ANTXR2: variants seen among roughly 807,000 people sequenced by gnomAD.
ANTXR2 encodes anthrax toxin receptor 2.
In ANTXR2, 44 loss-of-function variants were observed where a neutral mutation model predicts 73.7. That is an observed-to-expected ratio of 0.60 (90% CI 0.47 to 0.77). ANTXR2 has a LOEUF of 0.77. Ranked by LOEUF, ANTXR2 falls within the 30% of genes least tolerant of loss-of-function variation. The pLI, the probability that ANTXR2 is intolerant of heterozygous loss-of-function variation, is 0.00. For missense variants in ANTXR2, 604 were observed against 592.5 expected, an observed-to-expected ratio of 1.02 and a Z score of -0.20; for synonymous variants, 217 against 205.9, an observed-to-expected ratio of 1.05 and a Z score of -0.46.
chr4:79,962,902 A>T (rs563421724), intron 16 of ANTXR2, among the ~76,000 whole-genome samples: 2 of 152,264 alleles, frequency 1.3e-5, no homozygotes, highest in East Asian at 3.9e-4. Context: ...GATTTTTTTT[A>T]AGAATGCAGT....
At chr4:80,042,906 T>C (rs1733339274) in intron 7 of ANTXR2, among the ~76,000 whole-genome samples, 1 of 152,068 alleles carries the variant, frequency 6.6e-6, no homozygotes, top group Admixed American at 6.6e-5. Flanking sequence ...TTTTAACCGA[T>C]GGTTGTTCTC....
chr4:80,032,730 AG>A (rs1473545754), intron 9 of ANTXR2, among the ~76,000 whole-genome samples: 2 of 151,886 alleles, frequency 1.3e-5, no homozygotes, highest in African/African-American at 4.8e-5. Flanking sequence ...ATAATTAATA[AG>A]GAAAAACATT....
At chr4:80,020,580 G>C (rs1239059309) in intron 10 of ANTXR2, among the ~76,000 whole-genome samples, 1 of 152,134 alleles carries the variant, frequency 6.6e-6, no homozygotes, top group South Asian at 2.1e-4. Context: ...TTTTACAGAT[G>C]GGGGGCAGGA....
intron 16 of ANTXR2, among the ~76,000 whole-genome samples, chr4:79,950,600 G>T (rs1157996971): frequency 6.6e-6 from 1 of 152,036 alleles, no homozygotes; most frequent in Admixed American, 6.6e-5. Flanking sequence ...ATTATGCCAA[G>T]AAGACGTCAA....
chr4:80,005,632 C>G (rs1042323743), intron 12 of ANTXR2, among the ~76,000 whole-genome samples: 2 of 152,066 alleles, frequency 1.3e-5, no homozygotes, highest in Non-Finnish European at 2.9e-5. Context: ...TCATTTTTCT[C>G]TAGCTCACTT....
intron 16 of ANTXR2, among the ~76,000 whole-genome samples, chr4:79,947,282 C>T (rs972182933): frequency 5.9e-5 from 9 of 152,010 alleles, no homozygotes; most frequent in African/African-American, 2.2e-4. Context: ...AATTATTCTG[C>T]TTTGTATTGC....
Position 80,008,506 on chromosome 4 carries a change from A to G in ANTXR2, c.1041+15T>C, listed in dbSNP as rs1406040096. On this transcript the variant is annotated intron_variant, in intron 12 of 16. Coordinates refer to ENST00000403729, the MANE Select transcript of ANTXR2 (RefSeq NM_058172.6). ...TAATTTTTTTTAAGTAGAGTTGTAA[A>G]TCCTTCTTACTCACCACTTTGCAGC... The G allele has an allele frequency of 6.3e-7, 1 of 1,586,914 alleles. No individual in the cohort carries two copies. The highest frequency in any genetic ancestry group is 1.1e-5 in the South Asian group (1 of 88,488).
At chr4:80,063,830 A>C (rs1734375733) in intron 3 of ANTXR2, among the ~76,000 whole-genome samples, 1 of 152,208 alleles carries the variant, frequency 6.6e-6, no homozygotes, top group Non-Finnish European at 1.5e-5. Context: ...ATAAGCATTT[A>C]GATTGAATAC....
intron 10 of ANTXR2, among the ~76,000 whole-genome samples, chr4:80,020,494 C>T (rs528808714): frequency 6.6e-6 from 1 of 152,316 alleles, no homozygotes; most frequent in Non-Finnish European, 1.5e-5. Context: ...TTGCCAGATG[C>T]TATCCTAGGC....
At chr4:80,030,416 C>T (rs1732636498) in intron 10 of ANTXR2, among the ~76,000 whole-genome samples, 1 of 152,006 alleles carries the variant, frequency 6.6e-6, no homozygotes, top group Non-Finnish European at 1.5e-5. Context: ...ATTCAGAAAG[C>T]CTTGAGTCCT....
intron 11 of ANTXR2, among the ~76,000 whole-genome samples, chr4:80,013,364 A>G (rs1731689861): frequency 1.3e-5 from 2 of 152,216 alleles, no homozygotes. Context: ...CCTGCCGTCA[A>G]TGTCTCAAGG....
intron 3 of ANTXR2, among the ~76,000 whole-genome samples, chr4:80,056,569 C>A (rs570872371): frequency 1.3e-5 from 2 of 151,938 alleles, no homozygotes; most frequent in Non-Finnish European, 2.9e-5. Flanking sequence ...CAGACATTCC[C>A]TTGCACATTC....
intron 16 of ANTXR2, among the ~76,000 whole-genome samples, chr4:79,917,410 C>A (rs773707706): frequency 6.6e-6 from 1 of 152,100 alleles, no homozygotes; most frequent in Non-Finnish European, 1.5e-5. Context: ...AGTATCCCAC[C>A]AAAACTCATG....
chr4:79,989,004 G>A (rs755807954), intron 12 of ANTXR2, among the ~76,000 whole-genome samples: 2 of 152,102 alleles, frequency 1.3e-5, no homozygotes, highest in Non-Finnish European at 2.9e-5. Flanking sequence ...GCAGTTTTCA[G>A]AGAAAAGTTT....
intron 9 of ANTXR2, among the ~76,000 whole-genome samples, chr4:80,032,392 G>A (rs1732737111): frequency 6.6e-6 from 1 of 151,696 alleles, no homozygotes; most frequent in Admixed American, 6.6e-5. Context: ...AGATACAAAT[G>A]ACTACTGAAT....
At chr4:80,010,927 C>T (rs1228995020) in intron 11 of ANTXR2, among the ~76,000 whole-genome samples, 1 of 151,992 alleles carries the variant, frequency 6.6e-6, no homozygotes, top group Non-Finnish European at 1.5e-5. Flanking sequence ...GTGGGCGGAT[C>T]ACAAGGTCAG....
intron 16 of ANTXR2, among the ~76,000 whole-genome samples, chr4:79,912,552 A>G (rs1578076330): frequency 6.6e-6 from 1 of 152,104 alleles, no homozygotes; most frequent in South Asian, 2.1e-4. Context: ...TTCTGTGGCA[A>G]GAAAAGAACT....
chr4:80,053,112 C>T (rs1341166667), intron 7 of ANTXR2, among the ~76,000 whole-genome samples: 1 of 151,568 alleles, frequency 6.6e-6, no homozygotes, highest in Admixed American at 6.6e-5. Flanking sequence ...TTTAGAGGGT[C>T]AAATTATCCT....
At chr4:79,977,859 C>T in intron 15 of ANTXR2, 148 bp downstream of exon 15, 2 of 1,209,384 alleles carry the variant, frequency 1.7e-6, no homozygotes, top group Non-Finnish European at 2.3e-6. Context: ...GTTCTTATTG[C>T]CAAGAAAGTA....
Sources: gnomAD v4.1 joint callset for allele counts (sites outside exome capture counted in the v4.1 genomes callset) on GRCh38, gnomAD v4.1.1 for gene constraint, MANE v1.5 for transcripts, NCBI Gene and HGNC (gene_info 2026-07-23, HGNC 2026-07-21) for gene names.